NPAS2: variants seen among roughly 807,000 people sequenced by gnomAD.
NPAS2 encodes the protein neuronal PAS domain protein 2.
A neutral mutation model predicts 107.5 loss-of-function variants in NPAS2; 23 were observed. The observed-to-expected ratio is 0.21, with a 90% CI of 0.15 to 0.30. The LOEUF (loss-of-function observed/expected upper bound fraction) is 0.30. NPAS2 is among the 10% of genes least tolerant of loss of function. The pLI is 1.00. For synonymous variants in NPAS2, 403 were observed against 417.5 expected, an observed-to-expected ratio of 0.97 and a Z score of 0.42; for missense variants, 756 against 1,043.3, an observed-to-expected ratio of 0.72 and a Z score of 3.79.
Position 100,965,292 on chromosome 2 carries a change from TTTC to T in NPAS2, c.800+352_800+354del, listed in dbSNP as rs1420371255. Among the ~76,000 whole-genome samples, 2 of 152,212 alleles carry T rather than the reference TTTC, an allele frequency of 1.3e-5. No individual in the cohort carries two copies. Among genetic ancestry groups the T allele is most frequent in the African/African-American group, 4.8e-5 (2 of 41,452 alleles). ...TGATCTTTTAGCCCAATCTTTACTGTTTCTTTTGTAACATTATTTGCAGTTGAA... is the reference window on the plus strand; with the variant it reads ...TGATCTTTTAGCCCAATCTTTACTGTTTTTGTAACATTATTTGCAGTTGAA... On this transcript the variant is annotated intron_variant, in intron 9 of 20. Transcript: ENST00000335681. This position sits in a 1 kb window ranked among gnomAD's most constrained non-coding sequence, Gnocchi z 4.3.
At chr2:100,874,464 G>A (rs962408370) in intron 1 of NPAS2, among the ~76,000 whole-genome samples, 2 of 152,068 alleles carry the variant, frequency 1.3e-5, no homozygotes, top group African/African-American at 4.8e-5. Context: ...AAAATGGGCT[G>A]GGCACGGTGG....
chr2:100,991,218 C>G (rs1558947646), intron 19 of NPAS2, among the ~76,000 whole-genome samples: 1 of 152,242 alleles, frequency 6.6e-6, no homozygotes, highest in East Asian at 1.9e-4. Context: ...CAGGCTCCAG[C>G]TGACATGCCG....
chr2:100,952,177 G>A (rs1023667855), intron 7 of NPAS2, among the ~76,000 whole-genome samples: 15 of 148,212 alleles, frequency 1.0e-4, no homozygotes, highest in African/African-American at 3.5e-4. Flanking sequence ...AAAAAGATGT[G>A]CTTTGGCCAT....
At chr2:100,878,124 G>A in intron 1 of NPAS2, 1 of 985,412 alleles carries the variant, frequency 1.0e-6, no homozygotes, top group Non-Finnish European at 1.2e-6. Flanking sequence ...GGCAGCAGCT[G>A]AGACAAGCAG....
chr2:100,872,927 A>G (rs1344032055), intron 1 of NPAS2, among the ~76,000 whole-genome samples: 5 of 152,124 alleles, frequency 3.3e-5, no homozygotes, highest in Non-Finnish European at 7.3e-5. Context: ...CTGCATATCT[A>G]TTGTGACTAA....
Position 100,996,036 on chromosome 2 carries a change from T to G in NPAS2, c.*454T>G. The stretch of plus-strand genomic sequence containing the variant: ...TGTTGGAGAGAGAGAATAAAGAGAT[T>G]ATTTTTCATTATTTTTAAATGGTTG... On this transcript the variant is annotated 3_prime_UTR_variant, in exon 21 of 21. Transcript: ENST00000335681. 9.9e-7 allele frequency: 1 copy of G among 1,007,368 alleles called. No individual in the cohort carries two copies. The highest frequency in any genetic ancestry group is 1.3e-6 in the Non-Finnish European group (1 of 780,852). 62.4% of individuals were successfully genotyped at this position (1,007,368 alleles called of 1,614,324 possible).
At position 100,881,433 on chromosome 2, in the gene NPAS2, C is replaced by T. The variant is rs368943374; in HGVS notation, c.-22-23300C>T. Among the ~76,000 whole-genome samples, 557 of 152,352 alleles carry T rather than the reference C, an allele frequency of 3.7e-3. 3 individuals are homozygous for T. Among genetic ancestry groups the T allele is most frequent in the African/African-American group, 0.013 (529 of 41,600 alleles). On this transcript the variant is annotated intron_variant, in intron 1 of 20. Transcript: ENST00000335681. Reference sequence around the variant, plus strand: ...GGGCATGGGGGCTCACCCCTGTGCTCCCAGCACTTTGGGAGGCCAAGGCAG... The same window carrying T: ...GGGCATGGGGGCTCACCCCTGTGCTTCCAGCACTTTGGGAGGCCAAGGCAG...
intron 1 of NPAS2, among the ~76,000 whole-genome samples, chr2:100,841,268 C>G (rs1051419079): frequency 1.3e-5 from 2 of 152,136 alleles, no homozygotes; most frequent in African/African-American, 4.8e-5. Context: ...AACTCTTTCT[C>G]TACTAAAAAT....
At chr2:100,818,773 G>A (rs969780400), upstream of NPAS2, among the ~76,000 whole-genome samples, 1 of 152,256 alleles carries the variant, frequency 6.6e-6, no homozygotes, top group Non-Finnish European at 1.5e-5. Flanking sequence ...AGGCTGCCAC[G>A]CTCGGAGCGC....
At chr2:100,949,059 C>T (rs1000470893) in intron 6 of NPAS2, among the ~76,000 whole-genome samples, 3 of 152,180 alleles carry the variant, frequency 2.0e-5, no homozygotes, top group African/African-American at 7.2e-5. Context: ...ATATGAGCCG[C>T]TTTATTTTAA....
At chr2:100,862,583 C>T (rs1197561521) in intron 1 of NPAS2, among the ~76,000 whole-genome samples, 3 of 152,202 alleles carry the variant, frequency 2.0e-5, no homozygotes, top group Non-Finnish European at 2.9e-5. Flanking sequence ...CTGCCCAGAG[C>T]TTCCCTTACC....
In NPAS2 at chr2:100,975,585, A is replaced by G; in HGVS notation, c.1392+18A>G. ...CCATGCCGGTAAGTGTGTGACCCCA[A>G]ACTCCTCCACGGGTGTACGCTACAA... On this transcript the variant is annotated intron_variant, in intron 14 of 20. Transcript: ENST00000335681. 1 of 1,579,628 alleles carries G rather than the reference A, an allele frequency of 6.3e-7. No homozygotes were observed. Among genetic ancestry groups the G allele is most frequent in the South Asian group, 1.1e-5 (1 of 88,588 alleles).
rs1022216198 is a variant in NPAS2 at position 100,995,742 on chromosome 2, C to G, written c.*160C>G. On this transcript the variant is annotated 3_prime_UTR_variant, in exon 21 of 21. Coordinates refer to ENST00000335681, the MANE Select transcript of NPAS2 (RefSeq NM_002518.4). ...TGGTAACCATCTCTGGAGTGCAGCG[C>G]TTGCTGCAGTGGAAATGATCAGGAA... 20 of 1,549,458 alleles carry G rather than the reference C, an allele frequency of 1.3e-5. No individual in the cohort carries two copies. Among genetic ancestry groups the G allele is most frequent in the Non-Finnish European group, 1.6e-5 (18 of 1,146,876 alleles).
intron 1 of NPAS2, among the ~76,000 whole-genome samples, chr2:100,882,993 T>G (rs556243691): frequency 6.6e-6 from 1 of 152,298 alleles, no homozygotes; most frequent in South Asian, 2.1e-4. Context: ...TGCTCTCATC[T>G]GTAAGAAAAG....
chr2:100,889,412 C>T (rs572237496), intron 1 of NPAS2, among the ~76,000 whole-genome samples: 15 of 152,348 alleles, frequency 9.8e-5, no homozygotes, highest in Admixed American at 7.2e-4. Flanking sequence ...TCTTCTAGCA[C>T]AGGCAGAGAC....
intron 5 of NPAS2, 55 bp downstream of exon 5, chr2:100,937,897 G>GATCT: frequency 7.6e-7 from 1 of 1,318,564 alleles, no homozygotes; most frequent in Non-Finnish European, 1.1e-6. Flanking sequence ...TTTCTGTTGA[G>GATCT]AATCATTAGA....
At chr2:100,945,002 T>C (rs1378816253) in intron 5 of NPAS2, among the ~76,000 whole-genome samples, 1 of 152,184 alleles carries the variant, frequency 6.6e-6, no homozygotes, top group Admixed American at 6.5e-5. Context: ...AATATCTTTA[T>C]GAAGAAAGAC....
intron 1 of NPAS2, among the ~76,000 whole-genome samples, chr2:100,892,698 T>C (rs1681151839): frequency 6.6e-6 from 1 of 152,166 alleles, no homozygotes; most frequent in Admixed American, 6.5e-5. Context: ...ACTGTCCATC[T>C]CCTTTAGAAA....
chr2:100,951,099 G>A (rs1217757888), intron 7 of NPAS2, among the ~76,000 whole-genome samples: 2 of 152,154 alleles, frequency 1.3e-5, no homozygotes, highest in Non-Finnish European at 2.9e-5. Context: ...TAGGACCCAG[G>A]AATGTGCCGT....
Sources: gnomAD v4.1 joint callset for allele counts (sites outside exome capture counted in the v4.1 genomes callset) on GRCh38, gnomAD v4.1.1 for gene constraint, Gnocchi (gnomAD v3.1) non-coding constraint, MANE v1.5 for transcripts, NCBI Gene and HGNC (gene_info 2026-07-23, HGNC 2026-07-21) for gene names.